Variants in CYP2C8 observed in about 807,000 individuals in gnomAD.
CYP2C8 encodes cytochrome P450 2C8.
Under a neutral mutation model 41.3 loss-of-function variants are expected in CYP2C8, and 51 were observed. The ratio of observed to expected loss-of-function variants is 1.24; its 90% CI spans 0.99 to 1.56. CYP2C8 has a LOEUF of 1.56. Ranked by LOEUF, CYP2C8 falls within the 40% of genes most tolerant of loss-of-function variation. CYP2C8 has a pLI of 0.00. For missense variants in CYP2C8, 651 were observed against 579.9 expected, an observed-to-expected ratio of 1.12 and a Z score of -1.26; for synonymous variants, 218 against 205.8, an observed-to-expected ratio of 1.06 and a Z score of -0.51.
chr10:95,067,589 CA>C lies in CYP2C8; in HGVS notation c.270del (p.Asn90LysfsTer67), dbSNP rs1467760683. 2.5e-6 allele frequency: 4 copies of C among 1,614,054 alleles called. No homozygotes were observed. The highest frequency in any genetic ancestry group is 3.4e-6 in the Non-Finnish European group (4 of 1,180,026). On this transcript the variant is annotated frameshift_variant, in exon 2 of 9. Transcript: ENST00000371270. LOFTEE classifies it high-confidence loss of function. Reference sequence around the variant, plus strand: ...TTGCCTCTTCCAGAAAACTCCTCTCCATTATCAATCAGGGCTTCCTTCACTG... The same window carrying C: ...TTGCCTCTTCCAGAAAACTCCTCTCCTTATCAATCAGGGCTTCCTTCACTG... ...YEAVKEALIDNGEEFSGRGNS... is the reference protein window; with the variant it reads ...YEAVKEALIDXGEEFSGRGNS...
chr10:95,060,616 CT>C (rs2033407822), intron 4 of CYP2C8, among the ~76,000 whole-genome samples: 5 of 152,128 alleles, frequency 3.3e-5, no homozygotes, highest in Admixed American at 3.3e-4. Flanking sequence ...TCCTCTTTTT[CT>C]AACTGAATAC....
chr10:95,050,624 T>C (rs1274887457), intron 5 of CYP2C8, among the ~76,000 whole-genome samples: 1 of 152,210 alleles, frequency 6.6e-6, no homozygotes, highest in East Asian at 1.9e-4. Context: ...CAAGAGTTTC[T>C]GGTAATCCAG....
At chr10:95,042,813 G>A (rs1263698243) in intron 7 of CYP2C8, 77 bp downstream of exon 7, 4 of 1,213,460 alleles carry the variant, frequency 3.3e-6, no homozygotes, top group African/African-American at 3.0e-5. Context: ...ATCTTGTGTT[G>A]TTAGAGGGTT....
intron 7 of CYP2C8, among the ~76,000 whole-genome samples, chr10:95,042,503 T>C (rs2033023383): frequency 6.6e-6 from 1 of 152,162 alleles, no homozygotes. Context: ...AAGACATTAC[T>C]GAGAAAATAG....
At chr10:95,041,145 G>T (rs1286552505) in intron 7 of CYP2C8, among the ~76,000 whole-genome samples, 4 of 152,108 alleles carry the variant, frequency 2.6e-5, no homozygotes, top group Non-Finnish European at 4.4e-5. Context: ...TGATAAAATT[G>T]CACACACATT....
intron 8 of CYP2C8, 59 bp downstream of exon 8, chr10:95,038,838 A>G (rs971238853): frequency 1.9e-6 from 3 of 1,567,624 alleles, no homozygotes; most frequent in East Asian, 4.5e-5. Context: ...GTAAATTCCA[A>G]CTAATTCCAA....
chr10:95,056,029 G>A (rs955599141), intron 5 of CYP2C8, among the ~76,000 whole-genome samples: 1 of 152,068 alleles, frequency 6.6e-6, no homozygotes, highest in South Asian at 2.1e-4. Flanking sequence ...AGAGTCAGAG[G>A]TTGCAGTGAG....
At chr10:95,068,093 C>T (rs567442043) in intron 1 of CYP2C8, among the ~76,000 whole-genome samples, 1 of 152,010 alleles carries the variant, frequency 6.6e-6, no homozygotes, top group South Asian at 2.1e-4. Flanking sequence ...ATTAATCAAT[C>T]CCCCATGTCC....
chr10:95,048,198 T>C (rs1016255333), intron 5 of CYP2C8, among the ~76,000 whole-genome samples: 2 of 152,216 alleles, frequency 1.3e-5, no homozygotes, highest in Non-Finnish European at 2.9e-5. Context: ...TCTTTAACAG[T>C]CCATTTGGCT....
intron 4 of CYP2C8, among the ~76,000 whole-genome samples, chr10:95,062,814 G>T (rs1232210728): frequency 1.3e-5 from 2 of 152,174 alleles, no homozygotes; most frequent in African/African-American, 4.8e-5. Flanking sequence ...TCCTTCAGGA[G>T]CTCTTTTAGG....
At chr10:95,064,412 A>G (rs1039829777) in intron 4 of CYP2C8, among the ~76,000 whole-genome samples, 6 of 152,278 alleles carry the variant, frequency 3.9e-5, no homozygotes, top group African/African-American at 1.4e-4. Flanking sequence ...CTTCGTGGGC[A>G]TGGGACCCTC....
At chr10:95,060,739 C>T (rs2033410011) in intron 4 of CYP2C8, among the ~76,000 whole-genome samples, 1 of 152,254 alleles carries the variant, frequency 6.6e-6, no homozygotes, top group African/African-American at 2.4e-5. Flanking sequence ...AAAGGGAATG[C>T]TTCCAGTTTT....
intron 4 of CYP2C8, among the ~76,000 whole-genome samples, chr10:95,060,856 G>A (rs773157978): frequency 2.0e-5 from 3 of 152,170 alleles, no homozygotes; most frequent in Non-Finnish European, 4.4e-5. Context: ...AGACTGAAGT[G>A]CTGTTGAATT....
At chr10:95,067,454 G>A (rs2033595050) in intron 2 of CYP2C8, 75 bp downstream of exon 2, 1 of 1,613,346 alleles carries the variant, frequency 6.2e-7, no homozygotes, top group Non-Finnish European at 8.5e-7. Flanking sequence ...GCTCTGCTGA[G>A]AAGCTTTTTA....
At chr10:95,058,308 A>T in intron 5 of CYP2C8, 27 bp downstream of exon 5, 1 of 1,611,764 alleles carries the variant, frequency 6.2e-7, no homozygotes, top group Non-Finnish European at 8.5e-7. Context: ...AAGAAATCAA[A>T]ATACTGATCT....
rs1012107644 is a variant in CYP2C8, at chr10:95,067,560, G to A, written c.300C>T (p.Ser100=). 2 of 1,614,006 alleles carry A rather than the reference G, an allele frequency of 1.2e-6. No homozygotes were observed. Among genetic ancestry groups the A allele is most frequent in the Non-Finnish European group, 1.7e-6 (2 of 1,180,038 alleles). ...CTTTAGTAATTCTTTGAGATATTGG[G>A]GAATTGCCTCTTCCAGAAAACTCCT... ...NGEEFSGRGN[S]PISQRITKGL... The change falls in exon 2 of 9, where the codon TCC becomes TCT. Residue 100 remains serine, a synonymous_variant. Transcript: ENST00000371270.
intron 4 of CYP2C8, among the ~76,000 whole-genome samples, chr10:95,062,588 T>G (rs768645090): frequency 2.4e-4 from 36 of 152,200 alleles, no homozygotes; most frequent in Non-Finnish European, 4.7e-4. Context: ...TCTTGACTCT[T>G]TATCCAGTTT....
In CYP2C8 at chr10:95,064,916, T is replaced by G. The variant is rs113008582; in HGVS notation, c.526A>C (p.Asn176His). ...TGGAAAACAACGGAGCAGATCACAT[T>G]GCAGGGAGCACAGCCCAGGATGAAA... is the stretch of plus-strand genomic sequence containing the variant. Reference protein sequence around the residue: ...PTFILGCAPCNVICSVVFQKR... With the variant: ...PTFILGCAPCHVICSVVFQKR... Residue 176 changes from asparagine to histidine, a missense_variant, in exon 4 of 9, where the codon AAT (asparagine) becomes CAT (histidine). Transcript: ENST00000371270. The G allele has an allele frequency of 6.2e-7, 1 of 1,613,048 alleles. No homozygotes were observed. Among genetic ancestry groups the G allele is most frequent in the South Asian group, 1.1e-5 (1 of 90,980 alleles).
intron 5 of CYP2C8, among the ~76,000 whole-genome samples, chr10:95,051,751 G>C (rs1177712413): frequency 1.3e-5 from 2 of 151,980 alleles, no homozygotes; most frequent in Non-Finnish European, 2.9e-5. Flanking sequence ...GAAGAAAATT[G>C]AAAAATTTCT....
Sources: gnomAD v4.1 joint callset for allele counts (sites outside exome capture counted in the v4.1 genomes callset) on GRCh38, gnomAD v4.1.1 for gene constraint, MANE v1.5 for transcripts, NCBI Gene and HGNC (gene_info 2026-07-23, HGNC 2026-07-21) for gene names.